The following PLA2G5 variants were observed in gnomAD, a reference collection of about 807,000 sequenced individuals.
PLA2G5 encodes Ca2+-dependent phospholipase A2.
In PLA2G5, 12 loss-of-function variants were observed where a neutral mutation model predicts 15.9. That is an observed-to-expected ratio of 0.76 (90% CI 0.48 to 1.23). The LOEUF (loss-of-function observed/expected upper bound fraction) is 1.23, where lower values mean the gene tolerates loss of function less well. Among genes scored for constraint, PLA2G5 ranks in the 50% most tolerant of loss-of-function variants. The pLI, the probability that PLA2G5 is intolerant of heterozygous loss-of-function variation, is 0.00. For synonymous variants in PLA2G5, 71 were observed against 71.4 expected (o/e 0.99, Z 0.03); for missense variants, 169 against 177.1 (o/e 0.95, Z 0.26).
chr1:20,075,467 AC>A (rs1418699195), intron 1 of PLA2G5, among the ~76,000 whole-genome samples: 1 of 152,226 alleles, frequency 6.6e-6, no homozygotes, highest in Non-Finnish European at 1.5e-5. Flanking sequence ...TCAACTCAGA[AC>A]ATAGACATGA....
rs2016537951 is a variant in PLA2G5, at chr1:20,090,908, G to A, written c.*216G>A. On this transcript the variant is annotated 3_prime_UTR_variant, in exon 5 of 5. Transcript: ENST00000375108. ...CTTGGTAGGGTCCCAGGGTCCCTAG[G>A]CCTCCACTTCTGAGGGCAGCCCCTC... is the stretch of plus-strand genomic sequence containing the variant. The A allele has an allele frequency of 2.0e-6, 1 of 503,120 alleles. No homozygotes were observed. The highest frequency in any genetic ancestry group is 1.9e-5 in the African/African-American group (1 of 52,062). The allele number at this position is 503,120 out of a possible 1,614,324, so 31.2% of individuals were successfully genotyped here.
chr1:20,052,131 G>A (rs541068153), intron 1 of PLA2G5, among the ~76,000 whole-genome samples: 15 of 138,596 alleles, frequency 1.1e-4, no homozygotes, highest in African/African-American at 3.5e-4. Context: ...CCGAGATCGC[G>A]CCACTGCACT....
chr1:20,081,288 G>A (rs769586396), intron 1 of PLA2G5, among the ~76,000 whole-genome samples: 1 of 151,754 alleles, frequency 6.6e-6, no homozygotes. Flanking sequence ...TCCACTCTTC[G>A]GGGCAGCCAC....
intron 1 of PLA2G5, among the ~76,000 whole-genome samples, chr1:20,051,352 T>G (rs2014169429): frequency 6.6e-6 from 1 of 152,214 alleles, no homozygotes. Context: ...AACTGAAATG[T>G]TCATGAATAT....
chr1:20,070,236 G>A lies in PLA2G5; in HGVS notation c.-240G>A, dbSNP rs1052759460. ...GGTTCTACCCGGCTGGGTCCAGGCA[G>A]AAGTTTTTCCTCCCCACCTCCGGGT... On this transcript the variant is annotated 5_prime_UTR_variant, in exon 1 of 5. Coordinates refer to ENST00000375108, the MANE Select transcript of PLA2G5 (RefSeq NM_000929.3). 4 of 982,412 alleles carry A rather than the reference G, an allele frequency of 4.1e-6. No individual in the cohort carries two copies. The highest frequency in any genetic ancestry group is 4.8e-6 in the Non-Finnish European group (4 of 830,064). The allele number at this position is 982,412 out of a possible 1,614,324, so 60.9% of individuals were successfully genotyped here. A position where few individuals can be genotyped will look rare whatever the true frequency, so the allele number is the denominator to read the frequency against.
At chr1:20,030,984 T>G (rs186070681) in intron 1 of PLA2G5, among the ~76,000 whole-genome samples, 108 of 152,348 alleles carry the variant, frequency 7.1e-4, no homozygotes, top group African/African-American at 2.5e-3. Context: ...ATAGACACAG[T>G]AACAGTCTGA....
chr1:20,082,844 G>A (rs369148986), intron 1 of PLA2G5, among the ~76,000 whole-genome samples: 2 of 151,988 alleles, frequency 1.3e-5, no homozygotes, highest in African/African-American at 4.9e-5. Context: ...CTCAGAGGCA[G>A]TGGAGTAGAG....
intron 1 of PLA2G5, among the ~76,000 whole-genome samples, chr1:20,042,368 C>G (rs1467631168): frequency 3.9e-5 from 6 of 152,138 alleles, no homozygotes; most frequent in African/African-American, 7.2e-5. Flanking sequence ...CAGAGAGATA[C>G]AGCCGTGGGG....
chr1:20,084,650 G>A (rs2016193701), intron 1 of PLA2G5, among the ~76,000 whole-genome samples, 171 bp from the exon 2 acceptor site: 1 of 152,160 alleles, frequency 6.6e-6, no homozygotes, highest in African/African-American at 2.4e-5. Flanking sequence ...AGGGCCCTCA[G>A]TGGACCTACA....
intron 4 of PLA2G5, among the ~76,000 whole-genome samples, 169 bp from the exon 5 acceptor site, chr1:20,090,399 C>T (rs1332702784): frequency 6.6e-6 from 1 of 152,150 alleles, no homozygotes; most frequent in African/African-American, 2.4e-5. Context: ...GAAACCTCAC[C>T]CTGAGCAGCA....
At chr1:20,050,284 C>T (rs1373007771) in intron 1 of PLA2G5, among the ~76,000 whole-genome samples, 1 of 152,184 alleles carries the variant, frequency 6.6e-6, no homozygotes, top group Non-Finnish European at 1.5e-5. Flanking sequence ...AAAGCCTCAT[C>T]TTCAGGCCCA....
chr1:20,052,174 A>C (rs956334356), intron 1 of PLA2G5, among the ~76,000 whole-genome samples: 6 of 21,880 alleles, frequency 2.7e-4, no homozygotes, highest in African/African-American at 1.2e-3. Flanking sequence ...ACTCCATCTC[A>C]AAAAAAAAAA....
chr1:20,073,006 T>A (rs2015466553), intron 1 of PLA2G5, among the ~76,000 whole-genome samples: 1 of 152,136 alleles, frequency 6.6e-6, no homozygotes, highest in African/African-American at 2.4e-5. Flanking sequence ...TGGATTGGGA[T>A]TGAGGCAGGT....
intron 4 of PLA2G5, 108 bp from the exon 5 acceptor site, chr1:20,090,460 C>A: frequency 9.1e-7 from 1 of 1,104,182 alleles, no homozygotes; most frequent in South Asian, 1.3e-5. Flanking sequence ...GGAGCCATGC[C>A]TCTTCCATCA....
intron 2 of PLA2G5, among the ~76,000 whole-genome samples, chr1:20,064,907 T>G (rs1506785): frequency 0.059 from 8,996 of 152,094 alleles, 477 homozygotes; most frequent in East Asian, 0.25. Flanking sequence ...ACCTGGTAGA[T>G]CACAACCTGT....
intron 2 of PLA2G5, among the ~76,000 whole-genome samples, chr1:20,064,679 A>C (rs2100492282): frequency 6.6e-6 from 1 of 152,262 alleles, no homozygotes; most frequent in South Asian, 2.1e-4. Context: ...GGATTGTTTG[A>C]GGCCAGGAGT....
chr1:20,080,505 C>G (rs1329073880), intron 1 of PLA2G5, among the ~76,000 whole-genome samples: 1 of 152,146 alleles, frequency 6.6e-6, no homozygotes, highest in Non-Finnish European at 1.5e-5. Flanking sequence ...TTGTTTGAAC[C>G]AGGGAGGCAG....
chr1:20,034,250 AG>A, intron 1 of PLA2G5, among the ~76,000 whole-genome samples: 1 of 152,142 alleles, frequency 6.6e-6, no homozygotes, highest in African/African-American at 2.4e-5. Flanking sequence ...TTCGAATAGG[AG>A]GGGGCTATTC....
chr1:20,075,991 C>T (rs1471793704), intron 1 of PLA2G5, among the ~76,000 whole-genome samples: 1 of 151,656 alleles, frequency 6.6e-6, no homozygotes, highest in Non-Finnish European at 1.5e-5. Context: ...CCTGCCTCAG[C>T]CTCCCAAGTA....
Sources: gnomAD v4.1 joint callset for allele counts (sites outside exome capture counted in the v4.1 genomes callset) on GRCh38, gnomAD v4.1.1 for gene constraint, MANE v1.5 for transcripts, NCBI Gene and HGNC (gene_info 2026-07-23, HGNC 2026-07-21) for gene names.